Variants in SORCS3 observed in about 807,000 individuals in gnomAD.
The protein encoded by SORCS3 is VPS10 domain-containing receptor SorCS3.
SORCS3 carries 57 observed loss-of-function variants against 146.3 expected under a neutral mutation model. The ratio of observed to expected loss-of-function variants is 0.39; its 90% CI spans 0.31 to 0.49. The LOEUF is 0.49. Ranked by LOEUF, SORCS3 falls within the 20% of genes least tolerant of loss-of-function variation. The pLI is 0.92. For synonymous variants in SORCS3, 653 were observed against 618.5 expected, an observed-to-expected ratio of 1.06 and a Z score of -0.83; for missense variants, 1,341 against 1,575.5, an observed-to-expected ratio of 0.85 and a Z score of 2.52.
intron 11 of SORCS3, among the ~76,000 whole-genome samples, chr10:105,161,577 A>C (rs1156362166): frequency 6.6e-6 from 1 of 152,126 alleles, no homozygotes; most frequent in African/African-American, 2.4e-5. Flanking sequence ...GGCAGATGGA[A>C]ATCTAGTATA....
intron 4 of SORCS3, among the ~76,000 whole-genome samples, chr10:105,006,888 C>T (rs1398076362): frequency 6.6e-6 from 1 of 152,206 alleles, no homozygotes; most frequent in African/African-American, 2.4e-5. Flanking sequence ...AGTTTGGCAT[C>T]ATTCAGCATG....
At chr10:104,918,940 T>G (rs1428141265) in intron 3 of SORCS3, among the ~76,000 whole-genome samples, 1 of 152,234 alleles carries the variant, frequency 6.6e-6, no homozygotes, top group Non-Finnish European at 1.5e-5. Flanking sequence ...GTATGTTTCC[T>G]CTTCGAAAAT....
chr10:104,881,535 G>A (rs955720157), intron 2 of SORCS3, among the ~76,000 whole-genome samples: 2 of 152,162 alleles, frequency 1.3e-5, no homozygotes, highest in Non-Finnish European at 2.9e-5. Flanking sequence ...CACAGGGTCT[G>A]TGCCTTTTTC....
At chr10:105,154,490 G>C (rs1030136169) in intron 9 of SORCS3, among the ~76,000 whole-genome samples, 1 of 152,184 alleles carries the variant, frequency 6.6e-6, no homozygotes, top group African/African-American at 2.4e-5. Flanking sequence ...GGCCACACAG[G>C]CTAGACACCT....
intron 7 of SORCS3, among the ~76,000 whole-genome samples, chr10:105,108,596 G>A (rs573175906): frequency 2.4e-4 from 36 of 152,246 alleles, no homozygotes; most frequent in South Asian, 4.1e-4. Context: ...AGATAAGGCC[G>A]GAAAGGTGGA....
At chr10:104,789,613 G>C (rs17117660) in intron 1 of SORCS3, among the ~76,000 whole-genome samples, 1 of 152,178 alleles carries the variant, frequency 6.6e-6, no homozygotes, top group South Asian at 2.1e-4. Context: ...GACAGGAAAT[G>C]TAAAAACTAC....
intron 1 of SORCS3, among the ~76,000 whole-genome samples, chr10:104,727,114 T>C (rs1444273000): frequency 1.3e-5 from 2 of 152,230 alleles, no homozygotes; most frequent in Non-Finnish European, 2.9e-5. Context: ...GATCATGTCA[T>C]ATTCTGTGGA....
rs2056978554 is a variant in SORCS3 at position 105,264,243 on chromosome 10, A to C, written c.*869A>C. ...GTTTTTGTTCCAAGAATGATATGAA[A>C]GGTGAAGAAGAGGCCCACTAGAGGC... On this transcript the variant is annotated 3_prime_UTR_variant, in exon 27 of 27. Coordinates refer to ENST00000369701, the MANE Select transcript of SORCS3 (RefSeq NM_014978.3). 1 of 152,066 alleles carries C rather than the reference A, an allele frequency of 6.6e-6. No individual in the cohort carries two copies. The highest frequency in any genetic ancestry group is 1.5e-5 in the Non-Finnish European group (1 of 68,002). The allele number at this position is 152,066 out of a possible 1,614,324, so 9.4% of individuals were successfully genotyped here.
intron 1 of SORCS3, among the ~76,000 whole-genome samples, chr10:104,745,029 T>C (rs2133463876): frequency 6.6e-6 from 1 of 152,364 alleles, no homozygotes; most frequent in Non-Finnish European, 1.5e-5. Flanking sequence ...AATGATTAGC[T>C]ACACTTAGTA....
At chr10:104,700,276 C>A (rs932311655) in intron 1 of SORCS3, among the ~76,000 whole-genome samples, 4 of 152,170 alleles carry the variant, frequency 2.6e-5, no homozygotes, top group African/African-American at 9.7e-5. Flanking sequence ...ACTAAAAATC[C>A]AGCATGGAAG....
In SORCS3 at chr10:105,201,261, G is replaced by C. The variant is rs770203726; in HGVS notation, c.2261+8G>C. ...CAATTGGGACTTCGAGTGGTGAGTT[G>C]TTTGGCATTTCATTACCAATTCCAA... On this transcript the variant is annotated splice_region_variant and intron_variant, in intron 16 of 26. Coordinates refer to ENST00000369701, the MANE Select transcript of SORCS3 (RefSeq NM_014978.3). 8 of 1,600,836 alleles carry C rather than the reference G, an allele frequency of 5.0e-6. No individual in the cohort carries two copies. In the East Asian group the frequency reaches 1.8e-4, roughly 36 times the overall value.
chr10:105,238,874 A>G (rs774530392), intron 20 of SORCS3, among the ~76,000 whole-genome samples: 9 of 152,158 alleles, frequency 5.9e-5, no homozygotes, highest in Non-Finnish European at 8.8e-5. Flanking sequence ...ACCTTCAACT[A>G]TTTATCATCT....
At chr10:104,985,602 G>A (rs1385936894) in intron 4 of SORCS3, among the ~76,000 whole-genome samples, 1 of 151,968 alleles carries the variant, frequency 6.6e-6, no homozygotes. Flanking sequence ...ATCCATCAGA[G>A]AAATCACTGT....
At chr10:104,832,497 T>A (rs2018012080) in intron 1 of SORCS3, among the ~76,000 whole-genome samples, 1 of 152,148 alleles carries the variant, frequency 6.6e-6, no homozygotes, top group Non-Finnish European at 1.5e-5. Context: ...GTGGGCGGAC[T>A]GCCTGTGGTT....
chr10:105,019,063 A>G (rs527603482), intron 4 of SORCS3, among the ~76,000 whole-genome samples: 198 of 151,994 alleles, frequency 1.3e-3, no homozygotes, highest in Admixed American at 4.6e-3. Flanking sequence ...TTATCACCTC[A>G]TTTTTTATCT....
At chr10:104,828,852 T>C (rs958187599) in intron 1 of SORCS3, among the ~76,000 whole-genome samples, 15 of 152,196 alleles carry the variant, frequency 9.9e-5, no homozygotes, top group African/African-American at 3.6e-4. Flanking sequence ...CCTTACCCTG[T>C]TGTGGACATT....
At chr10:105,247,005 CA>C (rs1330408295) in intron 21 of SORCS3, among the ~76,000 whole-genome samples, 3 of 152,206 alleles carry the variant, frequency 2.0e-5, no homozygotes, top group Non-Finnish European at 4.4e-5. Context: ...TAGACACTAA[CA>C]AAAACTGGTA....
chr10:105,221,035 T>C (rs565018531), intron 19 of SORCS3, among the ~76,000 whole-genome samples: 1 of 152,352 alleles, frequency 6.6e-6, no homozygotes, highest in South Asian at 2.1e-4. Context: ...GCAGAAAGCA[T>C]TCTCACACTG....
chr10:104,822,656 C>T (rs554790288), intron 1 of SORCS3, among the ~76,000 whole-genome samples: 3 of 152,276 alleles, frequency 2.0e-5, no homozygotes, highest in South Asian at 2.1e-4. Flanking sequence ...ATGCTAGCCT[C>T]TGCAAAAGAC....
Sources: allele counts gnomAD v4.1 joint callset (sites outside exome capture counted in the v4.1 genomes callset), GRCh38; gene constraint gnomAD v4.1.1; transcripts MANE v1.5; gene names NCBI Gene and HGNC (gene_info 2026-07-23, HGNC 2026-07-21).